The following MYLK variants were observed in gnomAD, a reference collection of about 807,000 sequenced individuals.
MYLK encodes myosin light chain kinase, also known as myosin light chain kinase, smooth muscle.
Under a neutral mutation model 203.4 loss-of-function variants are expected in MYLK, and 106 were observed. The ratio of observed to expected loss-of-function variants is 0.52; its 90% CI spans 0.45 to 0.61. MYLK has a LOEUF of 0.61. MYLK is among the 20% of genes least tolerant of loss of function. The pLI, the probability that MYLK is intolerant of heterozygous loss-of-function variation, is 0.00. For missense variants in MYLK, 2,072 were observed against 2,442.3 expected, an observed-to-expected ratio of 0.85 and a Z score of 3.20; for synonymous variants, 867 against 959.5, an observed-to-expected ratio of 0.90 and a Z score of 1.78.
chr3:123,644,862 T>G (rs1054216906), intron 27 of MYLK, among the ~76,000 whole-genome samples: 4 of 152,188 alleles, frequency 2.6e-5, no homozygotes, highest in African/African-American at 9.7e-5. Context: ...TCTTTTATGG[T>G]TCCATGAAAT....
intron 5 of MYLK, among the ~76,000 whole-genome samples, chr3:123,748,552 A>C (rs572663837): frequency 5.3e-5 from 8 of 152,358 alleles, no homozygotes; most frequent in African/African-American, 1.7e-4. Flanking sequence ...GTCTGAAGTG[A>C]GGTGTGCTGT....
chr3:123,790,639 A>C (rs1246643840), intron 4 of MYLK, among the ~76,000 whole-genome samples: 2 of 152,244 alleles, frequency 1.3e-5, no homozygotes, highest in African/African-American at 4.8e-5. Flanking sequence ...CATAAAAAGG[A>C]AATGGGGCAG....
Position 123,673,000 on chromosome 3 carries a change from G to C in MYLK, c.3653-5813C>G, listed in dbSNP as rs543805194. Among the ~76,000 whole-genome samples, 5 of 152,118 alleles carry C rather than the reference G, an allele frequency of 3.3e-5. No individual in the cohort carries two copies. In the South Asian group the frequency reaches 1.0e-3, roughly 32 times the overall value. ...AGGAGATGGCATCTCATAAAAGTCT[G>C]GTGACTTGCTAGGTTCATAAAACCT... On this transcript the variant is annotated intron_variant, in intron 20 of 33. Transcript: ENST00000360304.
intron 5 of MYLK, among the ~76,000 whole-genome samples, chr3:123,747,704 C>T (rs1211322185): frequency 6.6e-6 from 1 of 152,236 alleles, no homozygotes; most frequent in African/African-American, 2.4e-5. Flanking sequence ...GATTTCTGTG[C>T]ACATGCATTT....
At chr3:123,844,822 G>GT (rs146243787) in intron 2 of MYLK, among the ~76,000 whole-genome samples, 3,058 of 117,644 alleles carry the variant, frequency 0.026, 40 homozygotes, top group Non-Finnish European at 0.036. Context: ...CTCCTCAGTT[G>GT]TTTTTTTTTT....
At chr3:123,837,329 C>T (rs1445061787) in intron 2 of MYLK, among the ~76,000 whole-genome samples, 1 of 152,056 alleles carries the variant, frequency 6.6e-6, no homozygotes, top group Non-Finnish European at 1.5e-5. Flanking sequence ...CTGTGCCCAG[C>T]CTGTAACATT....
At chr3:123,819,633 A>T (rs1278465726) in intron 3 of MYLK, among the ~76,000 whole-genome samples, 1 of 152,174 alleles carries the variant, frequency 6.6e-6, no homozygotes, top group Non-Finnish European at 1.5e-5. Context: ...TTATCTTAAA[A>T]TGTCATCTAC....
intron 2 of MYLK, among the ~76,000 whole-genome samples, chr3:123,846,078 T>C (rs567230614): frequency 1.6e-4 from 25 of 152,220 alleles, no homozygotes; most frequent in African/African-American, 3.1e-4. Flanking sequence ...AGATACCTCA[T>C]TGCATTTAGG....
intron 29 of MYLK, among the ~76,000 whole-genome samples, chr3:123,634,472 C>G (rs1432136999): frequency 6.6e-6 from 1 of 152,166 alleles, no homozygotes; most frequent in East Asian, 1.9e-4. Flanking sequence ...GCCTCCCCAC[C>G]ATACACACCT....
At chr3:123,788,400 T>C (rs1052210753) in intron 4 of MYLK, among the ~76,000 whole-genome samples, 1 of 151,864 alleles carries the variant, frequency 6.6e-6, no homozygotes, top group African/African-American at 2.4e-5. Flanking sequence ...TTTTTTTTTT[T>C]AATTATACTT....
At chr3:123,688,998 T>C (rs1333578750) in intron 19 of MYLK, among the ~76,000 whole-genome samples, 1 of 152,192 alleles carries the variant, frequency 6.6e-6, no homozygotes, top group Non-Finnish European at 1.5e-5. Context: ...TCCTACTTCA[T>C]TTACTGTTTT....
At position 123,843,254 on chromosome 3, in the gene MYLK, T is replaced by C. The variant is rs184158413; in HGVS notation, c.-126-11584A>G. Among the ~76,000 whole-genome samples the C allele has an allele frequency of 2.0e-5, 3 of 152,208 alleles. No individual in the cohort carries two copies. The East Asian group carries it at 5.8e-4, about 29-fold the overall frequency. On this transcript the variant is annotated intron_variant, in intron 2 of 33. Transcript: ENST00000360304. Reference sequence around the variant, plus strand: ...CTGGAAACAATGAAATCAGACAGATTAGGAGAAATAATCATATATTTTAAT... The same window carrying C: ...CTGGAAACAATGAAATCAGACAGATCAGGAGAAATAATCATATATTTTAAT...
At position 123,616,374 on chromosome 3, in the gene MYLK, T is replaced by C. The variant is rs75536309; in HGVS notation, c.5501-2025A>G. ...AAATATATATTATATGTATTTAATG[T>C]GTATGTGTACATATATATGTACAGA... On this transcript the variant is annotated intron_variant, in intron 33 of 33. Coordinates refer to ENST00000360304, the MANE Select transcript of MYLK (RefSeq NM_053025.4). 42 of 152,276 alleles carry C rather than the reference T, an allele frequency of 2.8e-4. No homozygotes were observed. In the East Asian group the frequency reaches 8.1e-3, roughly 29 times the overall value. The allele number at this position is 152,276 out of a possible 1,614,324, so 9.4% of individuals were successfully genotyped here.
At chr3:123,749,586 C>T (rs570824168) in intron 5 of MYLK, among the ~76,000 whole-genome samples, 2 of 152,288 alleles carry the variant, frequency 1.3e-5, no homozygotes, top group South Asian at 2.1e-4. Context: ...CTACATTAAA[C>T]GTCAGATGAG....
intron 2 of MYLK, among the ~76,000 whole-genome samples, chr3:123,873,126 A>C (rs1218199377): frequency 2.0e-5 from 3 of 152,154 alleles, no homozygotes; most frequent in Non-Finnish European, 2.9e-5. Flanking sequence ...AAGACCAAAT[A>C]TATATTTATT....
intron 10 of MYLK, 37 bp from the exon 11 acceptor site, chr3:123,733,139 C>T: frequency 1.3e-6 from 2 of 1,597,624 alleles, no homozygotes; most frequent in African/African-American, 1.3e-5. Context: ...CTCCCTATGC[C>T]CTGGAGAGCA....
intron 23 of MYLK, among the ~76,000 whole-genome samples, chr3:123,663,608 A>G (rs577068791): frequency 1.3e-5 from 2 of 152,148 alleles, no homozygotes; most frequent in South Asian, 2.1e-4. Flanking sequence ...GGTTGAAGAG[A>G]GAAGTAGGGA....
chr3:123,823,838 C>T (rs2066020084), intron 3 of MYLK, among the ~76,000 whole-genome samples: 3 of 152,218 alleles, frequency 2.0e-5, no homozygotes, highest in Non-Finnish European at 2.9e-5. Context: ...CTTACACTCA[C>T]TGGCCTGCTT....
chr3:123,669,651 A>G (rs2059847112), intron 20 of MYLK, among the ~76,000 whole-genome samples: 1 of 152,102 alleles, frequency 6.6e-6, no homozygotes, highest in African/African-American at 2.4e-5. Context: ...TGGTATATAC[A>G]TATATATGTG....
Sources: gnomAD v4.1 joint callset for allele counts (sites outside exome capture counted in the v4.1 genomes callset) on GRCh38, gnomAD v4.1.1 for gene constraint, MANE v1.5 for transcripts, NCBI Gene and HGNC (gene_info 2026-07-23, HGNC 2026-07-21) for gene names.